The following NBAS variants were observed in gnomAD, a reference collection of about 807,000 sequenced individuals.
NBAS encodes NAG/BC035112 fusion.
In NBAS, 219 loss-of-function variants were observed where a neutral mutation model predicts 302.5. The ratio of observed to expected loss-of-function variants is 0.72; its 90% CI spans 0.65 to 0.81. The LOEUF (loss-of-function observed/expected upper bound fraction) is 0.81, where lower values mean the gene tolerates loss of function less well. Ranked by LOEUF, NBAS falls within the 30% of genes least tolerant of loss-of-function variation. The pLI is 0.00. For synonymous variants in NBAS, 1,118 were observed against 1,021.6 expected (o/e 1.09, Z -1.80); for missense variants, 2,932 against 2,841.6 (o/e 1.03, Z -0.72).
At position 15,496,083 on chromosome 2, in the gene NBAS, CAT is replaced by C. The variant is rs199552156; in HGVS notation, c.955-7063_955-7062del. Among the ~76,000 whole-genome samples the C allele has an allele frequency of 8.4e-3, 1,140 of 136,142 alleles. 19 individuals carry two copies. Among genetic ancestry groups the C allele is most frequent in the East Asian group, 0.058 (291 of 5,046 alleles). The allele number at this position is 136,142 out of a possible 152,430, so 89.3% of individuals were successfully genotyped here. A position where few individuals can be genotyped will look rare whatever the true frequency, so the allele number is the denominator to read the frequency against. On this transcript the variant is annotated intron_variant, in intron 11 of 51. Transcript: ENST00000281513. ...GTGTGTGTATATATATACACACACA[CAT>C]ACATATACAGATACACACACACACA...
chr2:15,057,950 T>C, the NBAS span, among the ~76,000 whole-genome samples: 1 of 152,200 alleles, frequency 6.6e-6, no homozygotes, highest in African/African-American at 2.4e-5. Flanking sequence ...ATAGTAGATG[T>C]TGGCGCGGAT....
At chr2:15,076,106 T>A in the NBAS span, among the ~76,000 whole-genome samples, 1 of 152,214 alleles carries the variant, frequency 6.6e-6, no homozygotes, top group Non-Finnish European at 1.5e-5. Context: ...CCTGCTCTAA[T>A]AACTACCTCT....
intron 44 of NBAS, among the ~76,000 whole-genome samples, chr2:15,253,920 T>A (rs1668470157): frequency 6.6e-6 from 1 of 152,176 alleles, no homozygotes; most frequent in South Asian, 2.1e-4. Flanking sequence ...ACATTTAGTT[T>A]ATAGTTTAAA....
chr2:15,030,813 C>A, the NBAS span, among the ~76,000 whole-genome samples: 1 of 152,170 alleles, frequency 6.6e-6, no homozygotes, highest in African/African-American at 2.4e-5. Flanking sequence ...TCCCTGGCCT[C>A]TGCCCACTAG....
the NBAS span, among the ~76,000 whole-genome samples, chr2:15,074,657 A>G: frequency 6.6e-6 from 1 of 152,018 alleles, no homozygotes; most frequent in Non-Finnish European, 1.5e-5. Context: ...TAACTATAAT[A>G]GGGGAAAAAC....
chr2:15,473,505 G>T (rs1680048032), intron 15 of NBAS, among the ~76,000 whole-genome samples, 158 bp from the exon 16 acceptor site: 1 of 152,228 alleles, frequency 6.6e-6, no homozygotes. Flanking sequence ...ATTTTGAGGA[G>T]CAGAAAGATC....
chr2:15,282,616 C>G (rs3805095), intron 42 of NBAS, among the ~76,000 whole-genome samples: 82,206 of 151,982 alleles, frequency 0.54, 24,322 homozygotes, highest in East Asian at 0.85. Context: ...GAAGAAGGTG[C>G]TATTATGATC....
At chr2:15,355,053 T>C (rs1673546789) in intron 33 of NBAS, among the ~76,000 whole-genome samples, 1 of 152,184 alleles carries the variant, frequency 6.6e-6, no homozygotes, top group Non-Finnish European at 1.5e-5. Context: ...CCTATTGCAG[T>C]GGTCTTCATA....
chr2:15,117,270 A>G, the NBAS span, among the ~76,000 whole-genome samples: 4 of 152,166 alleles, frequency 2.6e-5, no homozygotes, highest in Admixed American at 1.3e-4. Flanking sequence ...GCCAGGCTGA[A>G]CACCCTGGCA....
intron 35 of NBAS, among the ~76,000 whole-genome samples, chr2:15,339,934 A>G (rs995327013): frequency 7.2e-5 from 11 of 152,262 alleles, no homozygotes; most frequent in Middle Eastern, 3.4e-3. Flanking sequence ...GAAAAAAAAA[A>G]AAGCCAATAT....
chr2:15,464,066 A>T (rs1679622938), intron 19 of NBAS, among the ~76,000 whole-genome samples: 1 of 152,150 alleles, frequency 6.6e-6, no homozygotes. Flanking sequence ...AGCAATGGGC[A>T]CATCGGGCTC....
the NBAS span, among the ~76,000 whole-genome samples, chr2:14,819,636 G>A: frequency 6.6e-6 from 1 of 152,226 alleles, no homozygotes; most frequent in South Asian, 2.1e-4. Context: ...TCCAGCTAGT[G>A]TCTGAATAAA....
At position 15,441,159 on chromosome 2, in the gene NBAS, C is replaced by T. The variant is rs1488357154; in HGVS notation, c.2340-13365G>A. ...CAGATTCAGGAAATACAGAGAATGC[C>T]ACAAAGATACTCATTGAGAAGAGCA... On this transcript the variant is annotated intron_variant, in intron 21 of 51. Transcript: ENST00000281513. Among the ~76,000 whole-genome samples the T allele has an allele frequency of 2.0e-5, 3 of 152,090 alleles. No homozygotes were observed. In the East Asian group the frequency reaches 5.8e-4, roughly 29 times the overall value.
At chr2:14,958,822 G>T in the NBAS span, among the ~76,000 whole-genome samples, 1 of 152,030 alleles carries the variant, frequency 6.6e-6, no homozygotes, top group Non-Finnish European at 1.5e-5. Context: ...AAAAAAATGG[G>T]GATCTACCAG....
At chr2:15,318,461 A>G (rs1671623166) in intron 38 of NBAS, among the ~76,000 whole-genome samples, 1 of 152,238 alleles carries the variant, frequency 6.6e-6, no homozygotes, top group Non-Finnish European at 1.5e-5. Context: ...CAAATTGGGT[A>G]AAGAGTCAAA....
the NBAS span, among the ~76,000 whole-genome samples, chr2:14,895,865 CG>C: frequency 2.0e-5 from 3 of 151,614 alleles, no homozygotes; most frequent in African/African-American, 7.3e-5. Flanking sequence ...GGGAAGATGA[CG>C]GGTAAGGACT....
the NBAS span, among the ~76,000 whole-genome samples, chr2:15,117,239 C>G: frequency 6.6e-6 from 1 of 152,158 alleles, no homozygotes; most frequent in Non-Finnish European, 1.5e-5. Context: ...ATAACCTGCT[C>G]AAAATAACTC....
intron 9 of NBAS, among the ~76,000 whole-genome samples, chr2:15,527,147 A>G (rs915475037): frequency 6.6e-6 from 1 of 151,618 alleles, no homozygotes; most frequent in Non-Finnish European, 1.5e-5. Context: ...AAAACAAAAT[A>G]GAAAAGGAGA....
chr2:15,006,279 G>T, the NBAS span, among the ~76,000 whole-genome samples: 4 of 152,100 alleles, frequency 2.6e-5, no homozygotes, highest in African/African-American at 9.7e-5. Context: ...TTCTGCCTTT[G>T]GAAATTGATT....
Sources: allele counts gnomAD v4.1 joint callset (sites outside exome capture counted in the v4.1 genomes callset), GRCh38; gene constraint gnomAD v4.1.1; transcripts MANE v1.5; gene names NCBI Gene and HGNC (gene_info 2026-07-23, HGNC 2026-07-21).